Variants in NAV3 observed in about 807,000 individuals in gnomAD.
NAV3 encodes the protein neuron navigator 3, also known as pore membrane and/or filament interacting like protein 1.
Under a neutral mutation model 244.7 loss-of-function variants are expected in NAV3, and 87 were observed. The observed-to-expected ratio is 0.36, with a 90% CI of 0.30 to 0.42. The LOEUF (loss-of-function observed/expected upper bound fraction) is 0.42. Among genes scored for constraint, NAV3 ranks in the 20% least tolerant of loss-of-function variants. NAV3 has a pLI of 1.00. For synonymous variants in NAV3, 1,126 were observed against 1,042.2 expected (o/e 1.08, Z -1.55); for missense variants, 2,663 against 2,893.3 (o/e 0.92, Z 1.83).
intron 2 of NAV3, among the ~76,000 whole-genome samples, chr12:77,742,965 A>G (rs1454872226): frequency 6.6e-6 from 1 of 152,006 alleles, no homozygotes; most frequent in Non-Finnish European, 1.5e-5. Flanking sequence ...ATGGGATCCA[A>G]AGTGCCACTA....
chr12:78,104,566 TA>T (rs1172798615), intron 12 of NAV3, among the ~76,000 whole-genome samples: 3 of 152,152 alleles, frequency 2.0e-5, no homozygotes, highest in Non-Finnish European at 2.9e-5. Flanking sequence ...GTTAAAAATC[TA>T]AAAACTAAAA....
At chr12:78,207,525 A>C (rs996853472) in intron 39 of NAV3, among the ~76,000 whole-genome samples, 2 of 152,204 alleles carry the variant, frequency 1.3e-5, no homozygotes, top group East Asian at 1.9e-4. Context: ...TTGTGAGTTC[A>C]TTGAGGAAGC....
At chr12:78,202,715 G>C (rs572714931) in intron 38 of NAV3, among the ~76,000 whole-genome samples, 4 of 152,028 alleles carry the variant, frequency 2.6e-5, no homozygotes, top group South Asian at 2.1e-4. Flanking sequence ...AGGGCTTTTT[G>C]GGGGAGGGGA....
chr12:78,089,148 C>T (rs1180377030), intron 12 of NAV3, among the ~76,000 whole-genome samples: 1 of 151,900 alleles, frequency 6.6e-6, no homozygotes, highest in Admixed American at 6.6e-5. Flanking sequence ...CCATTTTTTT[C>T]CATACCACCA....
At chr12:77,718,306 C>T (rs1393011359) in intron 2 of NAV3, among the ~76,000 whole-genome samples, 1 of 152,048 alleles carries the variant, frequency 6.6e-6, no homozygotes, top group Admixed American at 6.6e-5. Context: ...TTCCACTTTT[C>T]CCATCACCAT....
intron 3 of NAV3, among the ~76,000 whole-genome samples, chr12:77,955,491 A>G (rs1369902995): frequency 6.6e-6 from 1 of 152,158 alleles, no homozygotes. Flanking sequence ...CAACTTCGAA[A>G]TAACATATCT....
intron 1 of NAV3, among the ~76,000 whole-genome samples, chr12:77,922,151 G>A (rs1593006651): frequency 1.3e-5 from 2 of 152,252 alleles, no homozygotes; most frequent in Admixed American, 1.3e-4. Flanking sequence ...CTTCAATTTA[G>A]CCACCAGTTC....
intron 1 of NAV3, among the ~76,000 whole-genome samples, chr12:77,865,707 A>G (rs1411555116): frequency 6.6e-6 from 1 of 152,086 alleles, no homozygotes; most frequent in East Asian, 1.9e-4. Context: ...TCCCTATAAT[A>G]TAAAACAATT....
chr12:78,022,582 T>C (rs1215604195), intron 9 of NAV3, among the ~76,000 whole-genome samples: 1 of 152,164 alleles, frequency 6.6e-6, no homozygotes, highest in East Asian at 1.9e-4. Context: ...GTGTGTCTGT[T>C]GTTCCAGGAA....
intron 2 of NAV3, among the ~76,000 whole-genome samples, chr12:77,607,646 A>G (rs1183591436): frequency 6.6e-6 from 1 of 152,064 alleles, no homozygotes; most frequent in Non-Finnish European, 1.5e-5. Flanking sequence ...GTTATCTTGT[A>G]GAATGTCTAA....
intron 1 of NAV3, among the ~76,000 whole-genome samples, chr12:77,851,155 A>G (rs1377221378): frequency 6.6e-6 from 1 of 152,160 alleles, no homozygotes; most frequent in African/African-American, 2.4e-5. Context: ...GTGGGGCACA[A>G]ATTCTTTCAA....
chr12:77,743,730 G>A (rs1477887912), intron 2 of NAV3, among the ~76,000 whole-genome samples: 2 of 151,750 alleles, frequency 1.3e-5, no homozygotes, highest in Admixed American at 1.3e-4. Flanking sequence ...GATTCCATAT[G>A]TATATTATAA....
chr12:78,119,331 T>C lies in NAV3; in HGVS notation c.3135T>C (p.Ser1045=). The C allele has an allele frequency of 6.2e-7, 1 of 1,614,024 alleles. No individual in the cohort carries two copies. The part of the protein sequence containing the change: ...QRSPSDAGKS[S]GDEGKKPPSG... ...CTCCTTCAGATGCAGGAAAAAGCAG[T>C]GGAGATGAAGGGAAAAAGCCCCCCT... The change falls in exon 15 of 40, where the codon AGT becomes AGC. Residue 1045 remains serine (S), a synonymous_variant. Coordinates refer to ENST00000397909, the MANE Select transcript of NAV3 (RefSeq NM_001024383.2).
At chr12:77,953,235 T>C (rs902331493) in intron 3 of NAV3, among the ~76,000 whole-genome samples, 3 of 152,152 alleles carry the variant, frequency 2.0e-5, no homozygotes, top group African/African-American at 7.2e-5. Flanking sequence ...TCTGATTATA[T>C]CCTCGGGAAC....
At chr12:77,799,068 G>T (rs965933232) in intron 2 of NAV3, among the ~76,000 whole-genome samples, 1 of 152,166 alleles carries the variant, frequency 6.6e-6, no homozygotes, top group Admixed American at 6.5e-5. Flanking sequence ...CTAGCTCTCA[G>T]TTGGGCCACA....
chr12:77,993,520 A>C (rs916239257), intron 5 of NAV3, among the ~76,000 whole-genome samples: 2 of 152,174 alleles, frequency 1.3e-5, no homozygotes, highest in Admixed American at 6.5e-5. Flanking sequence ...ATTGCATTAT[A>C]CACAAATAAC....
At chr12:77,603,076 A>T (rs1030328256) in intron 2 of NAV3, among the ~76,000 whole-genome samples, 1 of 151,976 alleles carries the variant, frequency 6.6e-6, no homozygotes, top group Non-Finnish European at 1.5e-5. Flanking sequence ...GTTCTTATTA[A>T]GGGAATGGTA....
intron 2 of NAV3, among the ~76,000 whole-genome samples, chr12:77,801,347 T>TA (rs1871693443): frequency 6.6e-6 from 1 of 152,140 alleles, no homozygotes; most frequent in Non-Finnish European, 1.5e-5. Context: ...GTGCTGGGTT[T>TA]AAAAAATAAT....
intron 5 of NAV3, among the ~76,000 whole-genome samples, chr12:77,985,855 G>C (rs777485832): frequency 1.3e-5 from 2 of 151,908 alleles, no homozygotes; most frequent in Non-Finnish European, 2.9e-5. Flanking sequence ...TTTCCTATTT[G>C]ATCTGTTTTC....
Sources: allele counts gnomAD v4.1 joint callset (sites outside exome capture counted in the v4.1 genomes callset), GRCh38; gene constraint gnomAD v4.1.1; transcripts MANE v1.5; gene names NCBI Gene and HGNC (gene_info 2026-07-23, HGNC 2026-07-21).